The following RERE variants were observed in gnomAD, a reference collection of about 807,000 sequenced individuals.
The protein encoded by RERE is arginine-glutamic acid dipeptide repeats, also known as arginine-glutamic acid dipeptide repeats protein.
A neutral mutation model predicts 146.1 loss-of-function variants in RERE; 40 were observed. The observed-to-expected ratio is 0.27, with a 90% confidence interval of 0.21 to 0.36. RERE has a LOEUF of 0.36. RERE is among the 10% of genes least tolerant of loss of function. The pLI is 1.00. For missense variants in RERE, 1,933 were observed against 2,138.7 expected (o/e 0.90, Z 1.90); for synonymous variants, 1,003 against 866.0 (o/e 1.16, Z -2.78).
intron 8 of RERE, 71 bp from the exon 9 acceptor site, chr1:8,497,600 T>C: frequency 6.5e-7 from 1 of 1,535,120 alleles, no homozygotes; most frequent in South Asian, 1.1e-5. Context: ...CAATAAGCAG[T>C]CTTTAGGAAC....
chr1:8,408,644 C>T (rs546074142), intron 12 of RERE, among the ~76,000 whole-genome samples: 61 of 152,120 alleles, frequency 4.0e-4, no homozygotes, highest in Non-Finnish European at 7.6e-4. Flanking sequence ...TCCTCTGGGA[C>T]GCACAAATGC....
intron 12 of RERE, among the ~76,000 whole-genome samples, chr1:8,410,922 T>A (rs1450502880): frequency 6.6e-6 from 1 of 152,232 alleles, no homozygotes; most frequent in Non-Finnish European, 1.5e-5. Context: ...AAGTGCTTGA[T>A]GATTGACTAG....
intron 4 of RERE, among the ~76,000 whole-genome samples, chr1:8,559,906 A>T (rs1217136922): frequency 6.6e-6 from 1 of 152,198 alleles, no homozygotes; most frequent in Admixed American, 6.5e-5. Context: ...ATGGGAGAGC[A>T]GCTAGAAAGT....
chr1:8,550,681 G>C (rs1325212163), intron 6 of RERE, among the ~76,000 whole-genome samples: 1 of 152,096 alleles, frequency 6.6e-6, no homozygotes, highest in Non-Finnish European at 1.5e-5. Context: ...CTAGTACCTG[G>C]GACTACAGGC....
chr1:8,669,444 T>C (rs143767828), intron 1 of RERE, among the ~76,000 whole-genome samples: 166 of 152,302 alleles, frequency 1.1e-3, no homozygotes, highest in African/African-American at 3.9e-3. Flanking sequence ...GTGAATTATA[T>C]CTCAACAAAG....
At chr1:8,687,132 A>T (rs991416851) in intron 1 of RERE, among the ~76,000 whole-genome samples, 14 of 152,204 alleles carry the variant, frequency 9.2e-5, no homozygotes, top group Non-Finnish European at 1.8e-4. Context: ...TTAAGATTGG[A>T]GAAAAGCGGC....
chr1:8,444,854 T>C (rs72866071), intron 11 of RERE, among the ~76,000 whole-genome samples: 3,864 of 151,756 alleles, frequency 0.025, 172 homozygotes, highest in African/African-American at 0.09. Flanking sequence ...AGGAAGTGCG[T>C]AGATGTTGGT....
At chr1:8,520,903 C>T (rs925578690) in intron 7 of RERE, among the ~76,000 whole-genome samples, 1 of 151,586 alleles carries the variant, frequency 6.6e-6, no homozygotes, top group South Asian at 2.1e-4. Context: ...ATGAAGCACC[C>T]CCAGAAAAAA....
intron 1 of RERE, among the ~76,000 whole-genome samples, chr1:8,696,753 T>C (rs568498390): frequency 1.7e-4 from 25 of 145,464 alleles, no homozygotes; most frequent in Non-Finnish European, 1.5e-5. Flanking sequence ...CTACTAAAAA[T>C]ACAAAAATTA....
chr1:8,751,009 A>T lies in RERE; in HGVS notation c.-145+66151T>A, dbSNP rs937019819. ...TGGAGGATCTGATTCATGAGATCTA[A>T]ACTATTGGAAAATGCTTCAAGGAAG... On this transcript the variant is annotated intron_variant, in intron 1 of 22. Transcript: ENST00000400908. 5 of 643,022 alleles carry T rather than the reference A, an allele frequency of 7.8e-6. No homozygotes were observed. The African/African-American group carries it at 9.0e-5, about 12-fold the overall frequency. 39.8% of individuals were successfully genotyped at this position (643,022 alleles called of 1,614,324 possible).
At chr1:8,687,351 T>C (rs1639113814) in intron 1 of RERE, among the ~76,000 whole-genome samples, 3 of 152,294 alleles carry the variant, frequency 2.0e-5, no homozygotes, top group East Asian at 1.9e-4. Context: ...AAGACTGTTC[T>C]GATTTTCTCA....
chr1:8,539,623 C>G (rs1645773549), intron 7 of RERE, among the ~76,000 whole-genome samples: 2 of 152,182 alleles, frequency 1.3e-5, no homozygotes, highest in African/African-American at 4.8e-5. Flanking sequence ...CCAGGCTGGT[C>G]TTAAACTCCT....
At chr1:8,648,268 G>C (rs1647423446) in intron 2 of RERE, among the ~76,000 whole-genome samples, 1 of 152,156 alleles carries the variant, frequency 6.6e-6, no homozygotes, top group Admixed American at 6.5e-5. Context: ...GTCTCACTCT[G>C]TAACCCAGGC....
chr1:8,393,933 A>ATT (rs1642968396), intron 12 of RERE, among the ~76,000 whole-genome samples: 3 of 152,182 alleles, frequency 2.0e-5, no homozygotes, highest in Admixed American at 1.3e-4. Context: ...AGATGATAGG[A>ATT]GCTCAAGGCC....
Position 8,634,893 on chromosome 1 carries a change from G to T in RERE, c.326-10513C>A, listed in dbSNP as rs568129498. On this transcript the variant is annotated intron_variant, in intron 2 of 22. Transcript: ENST00000400908. ...TGGGACTACAGGTGCCCACCACCAC[G>T]CCCGGCTAATTTTTTGTATTTTTAG... Among the ~76,000 whole-genome samples, 7 of 152,108 alleles carry T rather than the reference G, an allele frequency of 4.6e-5. No individual in the cohort carries two copies. In the East Asian group the frequency reaches 1.3e-3, roughly 29 times the overall value.
intron 1 of RERE, among the ~76,000 whole-genome samples, chr1:8,739,722 C>G (rs1206555645): frequency 6.6e-6 from 1 of 152,120 alleles, no homozygotes; most frequent in Admixed American, 6.5e-5. Flanking sequence ...AACCTAGAGG[C>G]ATCCTTGATT....
rs1643303245 is a variant in RERE at position 8,402,656 on chromosome 1, T to C, written c.1284+20071A>G. ...GGTAATATTCCACTTAAGACGTTTATGTTTTGCTTGGTGAAGGGAGAGATT... is the reference window on the plus strand; with the variant it reads ...GGTAATATTCCACTTAAGACGTTTACGTTTTGCTTGGTGAAGGGAGAGATT... On this transcript the variant is annotated intron_variant, in intron 12 of 22. Coordinates refer to ENST00000400908, the MANE Select transcript of RERE (RefSeq NM_001042681.2). 2.0e-5 allele frequency among the ~76,000 whole-genome samples: 3 copies of C among 152,208 alleles called. No homozygotes were observed. In the South Asian group the frequency reaches 6.2e-4, roughly 31 times the overall value.
chr1:8,415,839 A>G (rs544845139), intron 12 of RERE, among the ~76,000 whole-genome samples: 6 of 152,254 alleles, frequency 3.9e-5, no homozygotes, highest in African/African-American at 9.6e-5. Flanking sequence ...CTATAGGATC[A>G]CAGTACTTAC....
rs546152777 is a variant in RERE, at chr1:8,731,591, A to G, written c.-144-75150T>C. 7.2e-4 allele frequency among the ~76,000 whole-genome samples: 104 copies of G among 144,896 alleles called. 1 individual carries two copies. Among genetic ancestry groups the G allele is most frequent in the Admixed American group, 1.9e-3 (27 of 14,010 alleles). On this transcript the variant is annotated intron_variant, in intron 1 of 22. Transcript: ENST00000400908. ...TCCACCACATCAACAGAGCTCCAGT[A>G]TAAAAAAAAAAATGCATTACAACTG...
Sources: gnomAD v4.1 joint callset for allele counts (sites outside exome capture counted in the v4.1 genomes callset) on GRCh38, gnomAD v4.1.1 for gene constraint, MANE v1.5 for transcripts, NCBI Gene and HGNC (gene_info 2026-07-23, HGNC 2026-07-21) for gene names.